INPP4B: variants seen among roughly 807,000 people sequenced by gnomAD.
The protein encoded by INPP4B is inositol polyphosphate-4-phosphatase type II B.
Under a neutral mutation model 122.5 loss-of-function variants are expected in INPP4B, and 55 were observed. The observed-to-expected ratio is 0.45, with a 90% CI of 0.36 to 0.56. The LOEUF (loss-of-function observed/expected upper bound fraction) is 0.56. Ranked by LOEUF, INPP4B falls within the 20% of genes least tolerant of loss-of-function variation. INPP4B has a pLI of 0.00. For synonymous variants in INPP4B, 403 were observed against 388.7 expected (o/e 1.04, Z -0.43); for missense variants, 1,000 against 1,097.7 (o/e 0.91, Z 1.26).
chr4:142,520,705 T>C (rs1205805197), intron 2 of INPP4B, among the ~76,000 whole-genome samples: 1 of 151,926 alleles, frequency 6.6e-6, no homozygotes, highest in African/African-American at 2.4e-5. Flanking sequence ...TCTGAGAAAT[T>C]ATTGATGATA....
intron 1 of INPP4B, among the ~76,000 whole-genome samples, chr4:142,814,637 A>G (rs936689406): frequency 1.3e-5 from 2 of 152,166 alleles, no homozygotes; most frequent in African/African-American, 2.4e-5. Flanking sequence ...AGAACTCAGG[A>G]GCAACTGAAA....
At chr4:142,476,053 A>T (rs916583253) in intron 2 of INPP4B, among the ~76,000 whole-genome samples, 9 of 152,204 alleles carry the variant, frequency 5.9e-5, no homozygotes, top group African/African-American at 2.2e-4. Context: ...AGATTCTTCA[A>T]TGTTGAAATG....
chr4:142,760,651 A>T (rs1281835575), intron 1 of INPP4B, among the ~76,000 whole-genome samples: 1 of 152,142 alleles, frequency 6.6e-6, no homozygotes, highest in East Asian at 1.9e-4. Flanking sequence ...AAAAAAGTGA[A>T]TCTGATCATT....
At chr4:142,339,831 G>A (rs1778065799) in intron 7 of INPP4B, among the ~76,000 whole-genome samples, 1 of 151,848 alleles carries the variant, frequency 6.6e-6, no homozygotes, top group South Asian at 2.1e-4. Flanking sequence ...TCATTGTATA[G>A]ATCTCTTATT....
chr4:142,401,542 C>T (rs1801585277), intron 7 of INPP4B, among the ~76,000 whole-genome samples: 1 of 151,910 alleles, frequency 6.6e-6, no homozygotes. Context: ...GTTAATACTC[C>T]CTTAATTGAT....
chr4:142,654,881 T>C (rs1044174089), intron 2 of INPP4B, among the ~76,000 whole-genome samples: 1 of 152,102 alleles, frequency 6.6e-6, no homozygotes, highest in African/African-American at 2.4e-5. Context: ...GTGACACAAA[T>C]ACCCAAGCCA....
chr4:142,625,530 T>A (rs1298390197), intron 2 of INPP4B, among the ~76,000 whole-genome samples: 5 of 152,190 alleles, frequency 3.3e-5, no homozygotes, highest in Admixed American at 3.3e-4. Flanking sequence ...GTAGGAAGAA[T>A]CAATATCGTG....
chr4:142,335,856 A>G lies in INPP4B; in HGVS notation c.373-21094T>C, dbSNP rs564944030. ...GCAGGAGACAGACAAATTCCTCGCC[A>G]GACAAGGGCAGGTCACCAGTGAAAC... On this transcript the variant is annotated intron_variant, in intron 7 of 25. Transcript: ENST00000262992. Among the ~76,000 whole-genome samples the G allele has an allele frequency of 1.1e-4, 16 of 152,360 alleles. No homozygotes were observed. The South Asian group carries it at 3.3e-3, about 32-fold the overall frequency.
intron 2 of INPP4B, among the ~76,000 whole-genome samples, chr4:142,530,782 C>T (rs898631320): frequency 2.6e-5 from 4 of 151,938 alleles, no homozygotes; most frequent in Non-Finnish European, 4.4e-5. Context: ...GCATTGAAAA[C>T]AGCAACTGAA....
intron 2 of INPP4B, among the ~76,000 whole-genome samples, chr4:142,616,514 G>A (rs557797917): frequency 2.0e-5 from 3 of 152,234 alleles, no homozygotes; most frequent in Admixed American, 2.0e-4. Flanking sequence ...GCATGTTAAA[G>A]AGCCATATTT....
intron 7 of INPP4B, among the ~76,000 whole-genome samples, chr4:142,357,437 G>A (rs1291424940): frequency 6.6e-6 from 1 of 152,018 alleles, no homozygotes; most frequent in East Asian, 1.9e-4. Flanking sequence ...TCACAGAAGT[G>A]TTGAGTGTGA....
chr4:142,773,091 G>A lies in INPP4B; in HGVS notation c.-253-47190C>T, dbSNP rs977729606. The stretch of plus-strand genomic sequence containing the variant: ...AAATAAATAAAGACACAATCTAACA[G>A]TACAACTGTTAATAGGGTCTAAATC... On this transcript the variant is annotated intron_variant, in intron 1 of 25. Transcript: ENST00000262992. Among the ~76,000 whole-genome samples the A allele has an allele frequency of 2.1e-4, 32 of 152,006 alleles. 1 individual carries two copies. The highest frequency in any genetic ancestry group is 2.1e-3 in the Admixed American group (32 of 15,236).
chr4:142,783,095 T>G (rs530974550), intron 1 of INPP4B, among the ~76,000 whole-genome samples: 1 of 151,868 alleles, frequency 6.6e-6, no homozygotes, highest in African/African-American at 2.4e-5. Context: ...ATTCAGGACA[T>G]AGGCATGGGC....
intron 2 of INPP4B, among the ~76,000 whole-genome samples, chr4:142,563,093 A>T (rs1730817257): frequency 6.6e-6 from 1 of 152,248 alleles, no homozygotes; most frequent in Non-Finnish European, 1.5e-5. Flanking sequence ...GCTAGGCAGA[A>T]AGATGAACAC....
chr4:142,450,797 T>C (rs1580096692), intron 3 of INPP4B, among the ~76,000 whole-genome samples: 1 of 152,318 alleles, frequency 6.6e-6, no homozygotes, highest in East Asian at 1.9e-4. Flanking sequence ...TCTCCAATTC[T>C]AGAGCCCTTT....
At chr4:142,566,532 G>A (rs1252191492) in intron 2 of INPP4B, among the ~76,000 whole-genome samples, 1 of 152,154 alleles carries the variant, frequency 6.6e-6, no homozygotes, top group African/African-American at 2.4e-5. Context: ...ATATTTGAAG[G>A]TATTATTGAG....
chr4:142,278,140 A>G (rs916948990), intron 9 of INPP4B, among the ~76,000 whole-genome samples: 1 of 151,972 alleles, frequency 6.6e-6, no homozygotes, highest in African/African-American at 2.4e-5. Context: ...CACACTCTAC[A>G]GCATTGTGCA....
intron 3 of INPP4B, among the ~76,000 whole-genome samples, chr4:142,447,013 A>G (rs1229475740): frequency 6.6e-6 from 1 of 152,212 alleles, no homozygotes. Context: ...GGTAATAGGA[A>G]AAAAAGTTTT....
At chr4:142,546,514 C>A (rs1223634743) in intron 2 of INPP4B, among the ~76,000 whole-genome samples, 8 of 152,084 alleles carry the variant, frequency 5.3e-5, no homozygotes, top group Non-Finnish European at 2.9e-5. Context: ...TAGATAGCAT[C>A]ATGAAGAACA....
Sources: gnomAD v4.1 joint callset for allele counts (sites outside exome capture counted in the v4.1 genomes callset) on GRCh38, gnomAD v4.1.1 for gene constraint, MANE v1.5 for transcripts, NCBI Gene and HGNC (gene_info 2026-07-23, HGNC 2026-07-21) for gene names.